Variants in CENPW observed in about 807,000 individuals in gnomAD.
CENPW encodes centromere protein W.
Under a neutral mutation model 11.1 loss-of-function variants are expected in CENPW, and 3 were observed. The observed-to-expected ratio is 0.27, with a 90% CI of 0.12 to 0.70. The LOEUF is 0.70. CENPW is among the 30% of genes least tolerant of loss of function. The pLI is 0.77. For synonymous variants in CENPW, 38 were observed against 42.0 expected, an observed-to-expected ratio of 0.91 and a Z score of 0.37; for missense variants, 100 against 105.6, an observed-to-expected ratio of 0.95 and a Z score of 0.23.
At chr6:126,393,030 T>C in the CENPW span, among the ~76,000 whole-genome samples, 2 of 152,008 alleles carry the variant, frequency 1.3e-5, no homozygotes, top group Non-Finnish European at 2.9e-5. Context: ...GTAGGTTGTA[T>C]GTGTCTAGGA....
chr6:126,363,840 G>A, the CENPW span, among the ~76,000 whole-genome samples: 3 of 152,164 alleles, frequency 2.0e-5, no homozygotes, highest in African/African-American at 7.2e-5. Context: ...TAAAACCAAT[G>A]TCCAATTTGC....
chr6:126,402,346 C>T, the CENPW span, among the ~76,000 whole-genome samples: 1 of 151,560 alleles, frequency 6.6e-6, no homozygotes, highest in African/African-American at 2.4e-5. Context: ...CATCTTTCTT[C>T]TCCTGCCTTC....
chr6:126,464,637 T>G, the CENPW span, among the ~76,000 whole-genome samples: 54 of 152,162 alleles, frequency 3.5e-4, no homozygotes, highest in Non-Finnish European at 6.2e-4. Flanking sequence ...CTTACACCAG[T>G]GGTTTACCAG....
At chr6:126,431,866 A>G in the CENPW span, among the ~76,000 whole-genome samples, 2 of 151,904 alleles carry the variant, frequency 1.3e-5, no homozygotes, top group African/African-American at 4.8e-5. Flanking sequence ...GGAGTTCAAG[A>G]CCAGCCTGGC....
chr6:126,415,015 A>G, the CENPW span, among the ~76,000 whole-genome samples: 23 of 152,274 alleles, frequency 1.5e-4, 1 homozygote, highest in East Asian at 4.0e-3. Flanking sequence ...ATCCCTGGAT[A>G]TATACAACCT....
the CENPW span, among the ~76,000 whole-genome samples, chr6:126,478,552 C>A: frequency 6.6e-6 from 1 of 151,946 alleles, no homozygotes; most frequent in African/African-American, 2.4e-5. Flanking sequence ...GAGTATTTGT[C>A]CCTGAATCCT....
the CENPW span, among the ~76,000 whole-genome samples, chr6:126,378,902 A>G: frequency 1.3e-5 from 2 of 152,240 alleles, no homozygotes; most frequent in East Asian, 3.8e-4. Flanking sequence ...TGGCATTGTA[A>G]ATGGAAATAT....
chr6:126,422,348 A>G, the CENPW span, among the ~76,000 whole-genome samples: 1 of 152,208 alleles, frequency 6.6e-6, no homozygotes, highest in East Asian at 1.9e-4. Flanking sequence ...AACTACTGAA[A>G]TTAATTTTCT....
the CENPW span, among the ~76,000 whole-genome samples, chr6:126,373,216 A>G: frequency 6.6e-6 from 1 of 152,222 alleles, no homozygotes; most frequent in Non-Finnish European, 1.5e-5. Flanking sequence ...TAAAGTATTT[A>G]TTCTGTGGAT....
chr6:126,406,867 AG>A, the CENPW span, among the ~76,000 whole-genome samples: 4 of 151,714 alleles, frequency 2.6e-5, no homozygotes, highest in African/African-American at 9.7e-5. Context: ...AAAAAAAAAA[AG>A]TTTGATAGAA....
the CENPW span, among the ~76,000 whole-genome samples, chr6:126,395,284 T>G: frequency 6.6e-6 from 1 of 151,790 alleles, no homozygotes; most frequent in Non-Finnish European, 1.5e-5. Flanking sequence ...AGTTCACTAA[T>G]TTTTTTTCTT....
the CENPW span, among the ~76,000 whole-genome samples, chr6:126,464,544 T>G: frequency 6.6e-6 from 1 of 152,164 alleles, no homozygotes. Flanking sequence ...ATAGGTTTAC[T>G]GAGCCTTCCA....
chr6:126,423,090 G>C, the CENPW span, among the ~76,000 whole-genome samples: 1 of 151,504 alleles, frequency 6.6e-6, no homozygotes, highest in East Asian at 1.9e-4. Context: ...TCTTTCTTTT[G>C]CATTTTATTA....
downstream of CENPW, among the ~76,000 whole-genome samples, chr6:126,349,455 C>A (rs1454475377): frequency 1.3e-5 from 2 of 152,042 alleles, no homozygotes; most frequent in African/African-American, 4.8e-5. Context: ...TGTGTCCTAC[C>A]CTAGCACCAT....
chr6:126,437,331 A>C, the CENPW span, among the ~76,000 whole-genome samples: 3 of 151,958 alleles, frequency 2.0e-5, no homozygotes, highest in African/African-American at 7.2e-5. Context: ...CTTACATAAA[A>C]CAATCAGATA....
chr6:126,434,619 C>T, the CENPW span, among the ~76,000 whole-genome samples: 2 of 151,954 alleles, frequency 1.3e-5, no homozygotes, highest in African/African-American at 4.8e-5. Flanking sequence ...CACCTTATAG[C>T]TACTCTGTTT....
At chr6:126,348,948 CT>C (rs1780459171), downstream of CENPW, 1 of 152,238 alleles carries the variant, frequency 6.6e-6, no homozygotes, top group African/African-American at 2.4e-5. Flanking sequence ...ATGCAATCTA[CT>C]TTTATATTAT....
At chr6:126,409,200 G>T in the CENPW span, among the ~76,000 whole-genome samples, 1 of 152,060 alleles carries the variant, frequency 6.6e-6, no homozygotes, top group Non-Finnish European at 1.5e-5. Flanking sequence ...TTGTTCAGGA[G>T]CATATTGGTT....
chr6:126,367,695 A>T, the CENPW span, among the ~76,000 whole-genome samples: 1 of 152,182 alleles, frequency 6.6e-6, no homozygotes, highest in Non-Finnish European at 1.5e-5. Context: ...TTTCTTGAAG[A>T]TTATTCTAGT....
Sources: allele counts gnomAD v4.1 joint callset (sites outside exome capture counted in the v4.1 genomes callset), GRCh38; gene constraint gnomAD v4.1.1; transcripts MANE v1.5; gene names NCBI Gene and HGNC (gene_info 2026-07-23, HGNC 2026-07-21).